The following PPP1R12A variants were observed in gnomAD, a reference collection of about 807,000 sequenced individuals.
PPP1R12A encodes the protein protein phosphatase 1 regulatory subunit 12A.
A neutral mutation model predicts 139.6 loss-of-function variants in PPP1R12A; 19 were observed. The observed-to-expected ratio is 0.14, with a 90% CI of 0.09 to 0.20. The LOEUF (loss-of-function observed/expected upper bound fraction) is 0.20. Ranked by LOEUF, PPP1R12A falls within the 10% of genes least tolerant of loss-of-function variation. The probability of loss-of-function intolerance (pLI) is 1.00; values close to 1 mark genes in which losing one functional copy is unlikely to be tolerated. For synonymous variants in PPP1R12A, 427 were observed against 420.6 expected, an observed-to-expected ratio of 1.02 and a Z score of -0.19; for missense variants, 925 against 1,211.5, an observed-to-expected ratio of 0.76 and a Z score of 3.51.
chr12:79,899,756 A>G (rs1470654737), intron 1 of PPP1R12A, among the ~76,000 whole-genome samples: 2 of 152,180 alleles, frequency 1.3e-5, no homozygotes, highest in Non-Finnish European at 2.9e-5. Flanking sequence ...ATTTCTCAGC[A>G]GGTATACACT....
chr12:79,887,779 A>G (rs558382566), intron 1 of PPP1R12A, among the ~76,000 whole-genome samples: 43 of 152,286 alleles, frequency 2.8e-4, no homozygotes, highest in African/African-American at 9.9e-4. Context: ...TTAAAAAACA[A>G]GTTACAAAAG....
At chr12:79,798,629 T>C in intron 14 of PPP1R12A, 45 bp from the exon 15 acceptor site, 2 of 1,117,762 alleles carry the variant, frequency 1.8e-6, no homozygotes, top group Non-Finnish European at 2.6e-6. Flanking sequence ...ATACAATACC[T>C]GTGAATGTAA....
chr12:79,799,866 C>T (rs1872896703), intron 14 of PPP1R12A, among the ~76,000 whole-genome samples: 1 of 151,902 alleles, frequency 6.6e-6, no homozygotes, highest in Admixed American at 6.6e-5. Context: ...AAAAATTAGC[C>T]AGGCATGTGG....
At chr12:79,788,530 C>CTG in intron 21 of PPP1R12A, 118 bp downstream of exon 21, 2 of 1,038,350 alleles carry the variant, frequency 1.9e-6, no homozygotes, top group Non-Finnish European at 2.7e-6. Context: ...TTGCCGAAAA[C>CTG]TGAAAATAAG....
At chr12:79,930,882 A>C (rs559409442) in intron 1 of PPP1R12A, among the ~76,000 whole-genome samples, 3 of 152,342 alleles carry the variant, frequency 2.0e-5, no homozygotes, top group African/African-American at 7.2e-5. Context: ...ACTGAGCTAG[A>C]AGACAGACTG....
intron 14 of PPP1R12A, among the ~76,000 whole-genome samples, chr12:79,798,819 C>T (rs1872757351): frequency 6.6e-6 from 1 of 151,992 alleles, no homozygotes; most frequent in Admixed American, 6.6e-5. Flanking sequence ...TTCCTAACTA[C>T]ATTTTTTAAA....
chr12:79,868,735 C>T (rs894769986), intron 2 of PPP1R12A, among the ~76,000 whole-genome samples: 10 of 152,044 alleles, frequency 6.6e-5, no homozygotes, highest in African/African-American at 1.7e-4. Flanking sequence ...CTTTAGAGGC[C>T]GCTTCTCCAA....
At chr12:79,908,835 T>C (rs1405675649) in intron 1 of PPP1R12A, among the ~76,000 whole-genome samples, 1 of 152,200 alleles carries the variant, frequency 6.6e-6, no homozygotes, top group African/African-American at 2.4e-5. Context: ...CTCAATTTCT[T>C]GTTATATACC....
At chr12:79,804,397 TA>T (rs922479398) in intron 14 of PPP1R12A, among the ~76,000 whole-genome samples, 1 of 152,062 alleles carries the variant, frequency 6.6e-6, no homozygotes. Flanking sequence ...AGTGGCATTA[TA>T]AAAGTACCAC....
At chr12:79,841,074 G>A (rs1362828995) in intron 3 of PPP1R12A, among the ~76,000 whole-genome samples, 1 of 150,310 alleles carries the variant, frequency 6.7e-6, no homozygotes, top group Non-Finnish European at 1.5e-5. Context: ...AAAAAAGAGA[G>A]AGAGAGAGAG....
At position 79,922,778 on chromosome 12, in the gene PPP1R12A, C is replaced by T. The variant is rs150038088; in HGVS notation, c.237+11917G>A. Among the ~76,000 whole-genome samples the T allele has an allele frequency of 2.6e-3, 394 of 152,256 alleles. 1 individual carries two copies. Among genetic ancestry groups the T allele is most frequent in the Middle Eastern group, 0.01 (3 of 294 alleles). ...GATATGAGTCGGTAAGTGCAGCAAACTACCATAGCATAAGTATACCCATGT... is the reference window on the plus strand; with the variant it reads ...GATATGAGTCGGTAAGTGCAGCAAATTACCATAGCATAAGTATACCCATGT... On this transcript the variant is annotated intron_variant, in intron 1 of 24. Transcript: ENST00000450142.
At chr12:79,827,270 T>A (rs1592677369) in intron 5 of PPP1R12A, among the ~76,000 whole-genome samples, 1 of 152,140 alleles carries the variant, frequency 6.6e-6, no homozygotes, top group Admixed American at 6.5e-5. Context: ...CTTAAGACTT[T>A]TACCAATTCC....
At chr12:79,783,011 G>A (rs1013804643) in intron 22 of PPP1R12A, among the ~76,000 whole-genome samples, 14 of 151,806 alleles carry the variant, frequency 9.2e-5, no homozygotes, top group African/African-American at 2.7e-4. Context: ...CAATTTTTAC[G>A]GTTATGGTGT....
intron 8 of PPP1R12A, among the ~76,000 whole-genome samples, 172 bp from the exon 9 acceptor site, chr12:79,817,690 C>CTA (rs1347226676): frequency 1.3e-5 from 2 of 152,226 alleles, no homozygotes; most frequent in East Asian, 1.9e-4. Context: ...AGACTTGTCT[C>CTA]TATATATATG....
intron 14 of PPP1R12A, 113 bp from the exon 15 acceptor site, chr12:79,798,697 G>C: frequency 2.1e-6 from 1 of 481,662 alleles, no homozygotes; most frequent in Non-Finnish European, 3.4e-6. Context: ...TAAGTTTTAA[G>C]GAAAAGTCTT....
At chr12:79,905,958 T>C (rs1237132648) in intron 1 of PPP1R12A, among the ~76,000 whole-genome samples, 1 of 152,194 alleles carries the variant, frequency 6.6e-6, no homozygotes, top group Non-Finnish European at 1.5e-5. Context: ...TGGTAATGTT[T>C]ATAATGAGTG....
rs200235076 is a variant in PPP1R12A, at chr12:79,836,543, CT to C, written c.488-4053del. On this transcript the variant is annotated intron_variant, in intron 3 of 24. Coordinates refer to ENST00000450142, the MANE Select transcript of PPP1R12A (RefSeq NM_002480.3). ...TTTAGCTTCCAAATCGTGCTCACATCTGATTCACATATAAAAACAATCCAAG... is the reference window on the plus strand; with the variant it reads ...TTTAGCTTCCAAATCGTGCTCACATCGATTCACATATAAAAACAATCCAAG... Among the ~76,000 whole-genome samples, 1,328 of 152,192 alleles carry C rather than the reference CT, an allele frequency of 8.7e-3. 22 individuals carry two copies. Among genetic ancestry groups the C allele is most frequent in the African/African-American group, 0.031 (1,277 of 41,522 alleles).
chr12:79,829,720 C>T (rs1297102781), intron 4 of PPP1R12A, among the ~76,000 whole-genome samples: 1 of 151,896 alleles, frequency 6.6e-6, no homozygotes, highest in Admixed American at 6.6e-5. Context: ...AGAAACAATA[C>T]TGGAATGTAA....
chr12:79,845,207 T>C, intron 3 of PPP1R12A, 95 bp downstream of exon 3: 2 of 905,712 alleles, frequency 2.2e-6, no homozygotes, highest in Middle Eastern at 2.2e-4. Flanking sequence ...TTTCATGAAA[T>C]TATGATTGCC....
Sources: allele counts gnomAD v4.1 joint callset (sites outside exome capture counted in the v4.1 genomes callset), GRCh38; gene constraint gnomAD v4.1.1; transcripts MANE v1.5; gene names NCBI Gene and HGNC (gene_info 2026-07-23, HGNC 2026-07-21).